TTLL11: variants seen among roughly 807,000 people sequenced by gnomAD.
TTLL11 encodes the protein tubulin polyglutamylase TTLL11.
In TTLL11, 42 loss-of-function variants were observed where a neutral mutation model predicts 51.7. That is an observed-to-expected ratio of 0.81 (90% CI 0.64 to 1.05). The LOEUF (loss-of-function observed/expected upper bound fraction) is 1.05. Ranked by LOEUF, TTLL11 falls within the 50% of genes least tolerant of loss-of-function variation. The pLI is 0.00. For synonymous variants in TTLL11, 381 were observed against 383.5 expected, an observed-to-expected ratio of 0.99 and a Z score of 0.08; for missense variants, 799 against 940.4, an observed-to-expected ratio of 0.85 and a Z score of 1.97.
intron 1 of TTLL11, among the ~76,000 whole-genome samples, chr9:122,039,752 G>T (rs538404173): frequency 6.6e-6 from 1 of 152,110 alleles, no homozygotes; most frequent in African/African-American, 2.4e-5. Flanking sequence ...GAGGAACCAG[G>T]ATTAGAGTCC....
rs550165593 is a variant in TTLL11, at chr9:122,055,570, A to G, written c.463-16202T>C. 2.0e-5 allele frequency among the ~76,000 whole-genome samples: 3 copies of G among 152,268 alleles called. No homozygotes were observed. The East Asian group carries it at 5.8e-4, about 29-fold the overall frequency. On this transcript the variant is annotated intron_variant, in intron 1 of 8. Transcript: ENST00000321582. ...CCTTTGGCAACACACTCACAGACAC[A>G]CCCAGAATCAATACTTTGCATCCTT... is the stretch of plus-strand genomic sequence containing the variant.
intron 6 of TTLL11, among the ~76,000 whole-genome samples, chr9:121,908,698 G>A (rs930631477): frequency 1.7e-4 from 26 of 152,168 alleles, no homozygotes; most frequent in Admixed American, 9.2e-4. Flanking sequence ...ATGCAGATGT[G>A]CTGCTTGTCT....
chr9:121,996,616 T>C (rs1291050204), intron 3 of TTLL11, among the ~76,000 whole-genome samples: 1 of 152,174 alleles, frequency 6.6e-6, no homozygotes, highest in African/African-American at 2.4e-5. Flanking sequence ...GAACCAGAAC[T>C]ATTAGGGAAA....
intron 6 of TTLL11, among the ~76,000 whole-genome samples, chr9:121,947,151 A>C (rs1200738299): frequency 6.6e-6 from 1 of 152,184 alleles, no homozygotes; most frequent in Non-Finnish European, 1.5e-5. Flanking sequence ...TGCAGAGCTG[A>C]GCTCAAGCTG....
At chr9:122,000,471 CAAAAAAAAAAAAA>C (rs57775265) in intron 3 of TTLL11, among the ~76,000 whole-genome samples, 5 of 22,814 alleles carry the variant, frequency 2.2e-4, no homozygotes, top group East Asian at 2.2e-3. Context: ...GACTCCGTCG[CAAAAAAAAAAAAA>C]AAAAAAAAAA....
At chr9:121,928,441 ATTTTT>A (rs35562644) in intron 6 of TTLL11, among the ~76,000 whole-genome samples, 38 of 131,840 alleles carry the variant, frequency 2.9e-4, no homozygotes, top group African/African-American at 9.6e-4. Flanking sequence ...TTTGTTTTGG[ATTTTT>A]TTTTTTTTTT....
chr9:121,836,410 C>T (rs902546869), intron 8 of TTLL11, among the ~76,000 whole-genome samples: 1 of 152,154 alleles, frequency 6.6e-6, no homozygotes, highest in Non-Finnish European at 1.5e-5. Context: ...ATCCAGCCCC[C>T]CAACTTGGTT....
chr9:122,055,119 C>A (rs1845256325), intron 1 of TTLL11, among the ~76,000 whole-genome samples: 1 of 152,004 alleles, frequency 6.6e-6, no homozygotes, highest in South Asian at 2.1e-4. Context: ...AAATTCCACA[C>A]ACAGGAGCAG....
At chr9:121,834,698 A>G (rs183712797) in intron 8 of TTLL11, among the ~76,000 whole-genome samples, 3 of 151,970 alleles carry the variant, frequency 2.0e-5, no homozygotes, top group African/African-American at 7.2e-5. Flanking sequence ...ATGGTGGCAC[A>G]CACCTGTAAT....
chr9:122,092,965 C>A lies in TTLL11; in HGVS notation c.184G>T (p.Val62Phe). 1 of 1,577,514 alleles carries A rather than the reference C, an allele frequency of 6.3e-7. No individual in the cohort carries two copies. Among genetic ancestry groups the A allele is most frequent in the Non-Finnish European group, 8.5e-7 (1 of 1,170,428 alleles). The change falls in exon 1 of 9, where the codon GTC becomes TTC. Residue 62 changes from valine to phenylalanine, a missense_variant. Around this residue, in one of 3 missense-constraint regions of TTLL11, gnomAD observed 166 missense variants for 161.6 expected, o/e 1.03. Coordinates refer to ENST00000321582, the MANE Select transcript of TTLL11 (RefSeq NM_001139442.2). ...ECKAGEEQPK[V>F]LAPAPAQPSA... ...GGCTGCGCCGGGGCCGGGGCCAGGA[C>A]CTTGGGCTGCTCCTCCCCTGCCTTG...
Position 121,994,945 on chromosome 9 carries a change from G to C in TTLL11, c.694-5175C>G, listed in dbSNP as rs768298067. 3.1e-4 allele frequency among the ~76,000 whole-genome samples: 47 copies of C among 152,188 alleles called. 1 individual carries two copies. Among genetic ancestry groups the C allele is most frequent in the East Asian group, 1.9e-4 (1 of 5,196 alleles). On this transcript the variant is annotated intron_variant, in intron 3 of 8. Coordinates refer to ENST00000321582, the MANE Select transcript of TTLL11 (RefSeq NM_001139442.2). ...AACAAAACTGGATGACTGGGAGAGA[G>C]AGACAGGAACATAAAGGATAATCCC... is the stretch of plus-strand genomic sequence containing the variant.
At chr9:121,845,306 G>C (rs1269416901) in intron 8 of TTLL11, among the ~76,000 whole-genome samples, 1 of 152,086 alleles carries the variant, frequency 6.6e-6, no homozygotes, top group Non-Finnish European at 1.5e-5. Context: ...ATTCTGTATG[G>C]AGTGAAATTA....
intron 6 of TTLL11, among the ~76,000 whole-genome samples, chr9:121,950,586 C>G (rs1368277132): frequency 1.3e-5 from 2 of 152,266 alleles, no homozygotes; most frequent in East Asian, 3.9e-4. Flanking sequence ...CTTCAGAGAG[C>G]CTGGCTTCTC....
intron 6 of TTLL11, among the ~76,000 whole-genome samples, chr9:121,873,471 A>G (rs762794255): frequency 5.9e-5 from 8 of 136,354 alleles, no homozygotes; most frequent in Non-Finnish European, 9.3e-5. Context: ...CACCACACCC[A>G]GCTAATTTTT....
intron 4 of TTLL11, among the ~76,000 whole-genome samples, chr9:121,981,878 G>A (rs1588173927): frequency 6.6e-6 from 1 of 152,262 alleles, no homozygotes; most frequent in South Asian, 2.1e-4. Context: ...GGGCTCAAAT[G>A]CCTCCGTGCC....
chr9:121,920,110 T>G (rs1397334404), intron 6 of TTLL11, among the ~76,000 whole-genome samples: 4 of 152,168 alleles, frequency 2.6e-5, no homozygotes, highest in Non-Finnish European at 5.9e-5. Context: ...AAGACCAGCC[T>G]GGGCAACATG....
intron 6 of TTLL11, among the ~76,000 whole-genome samples, chr9:121,951,522 T>C (rs1841850935): frequency 6.6e-6 from 1 of 152,252 alleles, no homozygotes; most frequent in South Asian, 2.1e-4. Context: ...TCATTTGACC[T>C]TCTATAATTT....
At chr9:122,034,582 G>A (rs984254982) in intron 2 of TTLL11, among the ~76,000 whole-genome samples, 6 of 152,172 alleles carry the variant, frequency 3.9e-5, no homozygotes, top group Admixed American at 3.9e-4. Flanking sequence ...TATCTAAGCT[G>A]TGCTCCTATC....
At chr9:122,026,978 C>T (rs1844364942) in intron 3 of TTLL11, among the ~76,000 whole-genome samples, 1 of 150,682 alleles carries the variant, frequency 6.6e-6, no homozygotes, top group Admixed American at 6.6e-5. Context: ...AAAGAAATAC[C>T]TGAGACTGGG....
Sources: gnomAD v4.1 joint callset for allele counts (sites outside exome capture counted in the v4.1 genomes callset) on GRCh38, gnomAD v4.1.1 for gene constraint, gnomAD v4.1.1 regional missense constraint, MANE v1.5 for transcripts, NCBI Gene and HGNC (gene_info 2026-07-23, HGNC 2026-07-21) for gene names.